The following SIPA1L1 variants were observed in gnomAD, a reference collection of about 807,000 sequenced individuals.
SIPA1L1 encodes signal-induced proliferation-associated 1-like protein 1.
In SIPA1L1, 26 loss-of-function variants were observed where a neutral mutation model predicts 162.7. That is an observed-to-expected ratio of 0.16 (90% confidence interval 0.12 to 0.22). The LOEUF is 0.22. Among genes scored for constraint, SIPA1L1 ranks in the 10% least tolerant of loss-of-function variants. The probability of loss-of-function intolerance (pLI) is 1.00; values close to 1 mark genes in which losing one functional copy is unlikely to be tolerated. For missense variants in SIPA1L1, 1,874 were observed against 2,241.0 expected (o/e 0.84, Z 3.31); for synonymous variants, 829 against 837.4 (o/e 0.99, Z 0.17).
chr14:71,435,922 G>A (rs556965268), intron 2 of SIPA1L1, among the ~76,000 whole-genome samples: 2 of 152,210 alleles, frequency 1.3e-5, no homozygotes, highest in Non-Finnish European at 2.9e-5. Context: ...TTCTCTGATG[G>A]CCAGTGATGA....
intron 4 of SIPA1L1, among the ~76,000 whole-genome samples, chr14:71,569,186 A>T (rs2031426085): frequency 6.6e-6 from 1 of 152,204 alleles, no homozygotes; most frequent in Non-Finnish European, 1.5e-5. Context: ...ACATAGGAGC[A>T]GATTTGAATG....
intron 5 of SIPA1L1, among the ~76,000 whole-genome samples, chr14:71,618,526 A>G (rs955878314): frequency 6.6e-6 from 1 of 152,228 alleles, no homozygotes; most frequent in Non-Finnish European, 1.5e-5. Context: ...TAATCTGTAG[A>G]GTAGTAAAAA....
Position 71,435,339 on chromosome 14 carries a change from C to T in SIPA1L1, c.-464-77404C>T, listed in dbSNP as rs542961822. Among the ~76,000 whole-genome samples, 12 of 152,150 alleles carry T rather than the reference C, an allele frequency of 7.9e-5. No homozygotes were observed. In the South Asian group the frequency reaches 2.1e-3, roughly 26 times the overall value. ...ATCCCTCCTCCCTTCCCCCACCCCA[C>T]GACAGGCCCCGGTGTGTGATGTTCC... is the stretch of plus-strand genomic sequence containing the variant. On this transcript the variant is annotated intron_variant, in intron 2 of 23. Coordinates refer to ENST00000381232, the MANE Select transcript of SIPA1L1 (RefSeq NM_001386936.1).
chr14:71,464,886 G>A (rs867320798), intron 2 of SIPA1L1, among the ~76,000 whole-genome samples: 31 of 152,230 alleles, frequency 2.0e-4, no homozygotes, highest in African/African-American at 5.8e-4. Flanking sequence ...GGGGCCCGCC[G>A]GGACTTTAGT....
intron 2 of SIPA1L1, among the ~76,000 whole-genome samples, chr14:71,498,648 A>G (rs1209739449): frequency 6.6e-6 from 1 of 152,220 alleles, no homozygotes; most frequent in Non-Finnish European, 1.5e-5. Context: ...TGCAGTACAT[A>G]TTCTACTATT....
intron 10 of SIPA1L1, among the ~76,000 whole-genome samples, chr14:71,667,155 C>T (rs118156057): frequency 1.7e-4 from 26 of 152,274 alleles, no homozygotes; most frequent in Non-Finnish European, 2.9e-4. Context: ...AGTCTGCACC[C>T]CATGCCTACC....
chr14:71,569,729 G>A lies in SIPA1L1; in HGVS notation c.-302-17842G>A, dbSNP rs141097703. Among the ~76,000 whole-genome samples, 18 of 152,288 alleles carry A rather than the reference G, an allele frequency of 1.2e-4. No individual in the cohort carries two copies. The East Asian group carries it at 2.1e-3, about 18-fold the overall frequency. On this transcript the variant is annotated intron_variant, in intron 4 of 23. Coordinates refer to ENST00000381232, the MANE Select transcript of SIPA1L1 (RefSeq NM_001386936.1). ...AGGCCAGGTAGCCAAGACAACACTCGTTCCCACAAGTAGGCTGGTGTGGTG... is the reference window on the plus strand; with the variant it reads ...AGGCCAGGTAGCCAAGACAACACTCATTCCCACAAGTAGGCTGGTGTGGTG...
intron 5 of SIPA1L1, among the ~76,000 whole-genome samples, chr14:71,617,910 CTCATG>C (rs2039010912): frequency 6.6e-6 from 1 of 152,176 alleles, no homozygotes; most frequent in Non-Finnish European, 1.5e-5. Context: ...CTGTGAACAT[CTCATG>C]TATGTATCAA....
chr14:71,732,125 C>T (rs2084848783), intron 20 of SIPA1L1, among the ~76,000 whole-genome samples: 1 of 152,206 alleles, frequency 6.6e-6, no homozygotes, highest in Admixed American at 6.5e-5. Flanking sequence ...TCCATTTACT[C>T]ATGATTTTGC....
chr14:71,366,900 G>A (rs918660039), intron 2 of SIPA1L1, among the ~76,000 whole-genome samples: 9 of 152,140 alleles, frequency 5.9e-5, no homozygotes, highest in Non-Finnish European at 7.3e-5. Context: ...TTAACCTAGT[G>A]CGTTTATTAG....
chr14:71,537,785 G>A (rs577026446), intron 4 of SIPA1L1, among the ~76,000 whole-genome samples: 16 of 151,970 alleles, frequency 1.1e-4, no homozygotes, highest in Middle Eastern at 3.4e-3. Context: ...AAAGAATGAA[G>A]TTGTGGGCCA....
Position 71,679,528 on chromosome 14 carries a change from A to G in SIPA1L1, c.3105-5834A>G, listed in dbSNP as rs558819943. On this transcript the variant is annotated intron_variant, in intron 12 of 23. Transcript: ENST00000381232. ...ATGCTAGGAAGAAATTGCATGAACTAACAAGCAAAATAACCAGCTAACATC... is the reference window on the plus strand; with the variant it reads ...ATGCTAGGAAGAAATTGCATGAACTGACAAGCAAAATAACCAGCTAACATC... Among the ~76,000 whole-genome samples, 123 of 152,334 alleles carry G rather than the reference A, an allele frequency of 8.1e-4. 1 individual carries two copies. The highest frequency in any genetic ancestry group is 2.8e-3 in the African/African-American group (117 of 41,574).
chr14:71,342,501 G>A (rs2035766795), intron 2 of SIPA1L1, among the ~76,000 whole-genome samples: 1 of 152,204 alleles, frequency 6.6e-6, no homozygotes, highest in African/African-American at 2.4e-5. Context: ...TGATGGAAGT[G>A]AAGTTAATTG....
chr14:71,400,555 A>G (rs2041591217), intron 2 of SIPA1L1, among the ~76,000 whole-genome samples: 1 of 151,908 alleles, frequency 6.6e-6, no homozygotes, highest in Admixed American at 6.6e-5. Context: ...AGGGATGTTG[A>G]GATTGTATGT....
intron 2 of SIPA1L1, among the ~76,000 whole-genome samples, chr14:71,468,042 G>GTGTCTGTC (rs1555430983): frequency 1.3e-5 from 2 of 150,842 alleles, no homozygotes; most frequent in African/African-American, 4.9e-5. Context: ...GTGTGTGTGT[G>GTGTCTGTC]TGTGTCTGTC....
chr14:71,647,458 CTCTA>C (rs1292681748), intron 7 of SIPA1L1, among the ~76,000 whole-genome samples: 1 of 151,750 alleles, frequency 6.6e-6, no homozygotes, highest in African/African-American at 2.4e-5. Flanking sequence ...AATCTTAGGC[CTCTA>C]TCTATGAAGT....
chr14:71,711,118 A>G (rs1354433507), intron 17 of SIPA1L1, among the ~76,000 whole-genome samples: 1 of 152,234 alleles, frequency 6.6e-6, no homozygotes, highest in Non-Finnish European at 1.5e-5. Context: ...GCAGATCTCA[A>G]AATGATGGTG....
chr14:71,628,232 A>G (rs1596500100), intron 7 of SIPA1L1, among the ~76,000 whole-genome samples: 1 of 152,242 alleles, frequency 6.6e-6, no homozygotes, highest in African/African-American at 2.4e-5. Context: ...AATTTGCCAT[A>G]TCAGAGCCAT....
intron 14 of SIPA1L1, among the ~76,000 whole-genome samples, chr14:71,699,764 A>G (rs1293398495): frequency 6.6e-6 from 1 of 152,222 alleles, no homozygotes; most frequent in Non-Finnish European, 1.5e-5. Context: ...CCAATAAATG[A>G]AAGTTATAGA....
Sources: allele counts gnomAD v4.1 joint callset (sites outside exome capture counted in the v4.1 genomes callset), GRCh38; gene constraint gnomAD v4.1.1; transcripts MANE v1.5; gene names NCBI Gene and HGNC (gene_info 2026-07-23, HGNC 2026-07-21).